Variants in KCNJ6 observed in about 807,000 individuals in gnomAD.
KCNJ6 encodes G protein-activated inward rectifier potassium channel 2.
A neutral mutation model predicts 34.2 loss-of-function variants in KCNJ6; 9 were observed. The observed-to-expected ratio is 0.26, with a 90% CI of 0.16 to 0.46. KCNJ6 has a LOEUF of 0.46. Ranked by LOEUF, KCNJ6 falls within the 20% of genes least tolerant of loss-of-function variation. The pLI is 1.00. For synonymous variants in KCNJ6, 196 were observed against 207.1 expected (o/e 0.95, Z 0.46); for missense variants, 236 against 531.3 (o/e 0.44, Z 5.46).
At position 37,714,801 on chromosome 21, in the gene KCNJ6, C is replaced by G; in HGVS notation, c.356G>C (p.Gly119Ala). 1 of 1,614,152 alleles carries G rather than the reference C, an allele frequency of 6.2e-7. No individual in the cohort carries two copies. Among genetic ancestry groups the G allele is most frequent in the Non-Finnish European group, 8.5e-7 (1 of 1,180,036 alleles). ...MIWWLIAYIR[G>A]DMDHIEDPSW... is the part of the protein sequence containing the mutation. Reference sequence around the variant, plus strand: ...GGGGTCCTCTATGTGGTCCATGTCTCCCCGTATGTATGCGATCAACCACCA... The same window carrying G: ...GGGGTCCTCTATGTGGTCCATGTCTGCCCGTATGTATGCGATCAACCACCA... Residue 119 changes from glycine (G) to alanine (A), a missense_variant, in exon 3 of 4, where the codon GGA (glycine) becomes GCA (alanine). Physicochemically the swap from Gly to Ala is moderately conservative, Grantham distance 60. Coordinates refer to ENST00000609713, the MANE Select transcript of KCNJ6 (RefSeq NM_002240.5). This position sits in a 1 kb window ranked among gnomAD's most constrained non-coding sequence, Gnocchi z 5.9.
intron 2 of KCNJ6, among the ~76,000 whole-genome samples, chr21:37,746,197 A>C (rs2054966934): frequency 6.6e-6 from 1 of 152,218 alleles, no homozygotes; most frequent in South Asian, 2.1e-4. Flanking sequence ...TTTATGGGGA[A>C]CATAACTCAG....
Position 37,611,040 on chromosome 21 carries a change from A to G in KCNJ6, c.*14119T>C, listed in dbSNP as rs1156961456. The G allele has an allele frequency of 6.6e-6, 1 of 152,168 alleles. No individual in the cohort carries two copies. Among genetic ancestry groups the G allele is most frequent in the Non-Finnish European group, 1.5e-5 (1 of 68,024 alleles). The allele number at this position is 152,168 out of a possible 1,614,324, so 9.4% of individuals were successfully genotyped here. A position where few individuals can be genotyped will look rare whatever the true frequency, so the allele number is the denominator to read the frequency against. ...TAGGAAATCAATAAAATAAATAGAA[A>G]CAAAGTTGATTCTTTGAAAAGATCA... is the stretch of plus-strand genomic sequence containing the variant. On this transcript the variant is annotated 3_prime_UTR_variant, in exon 4 of 4. Transcript: ENST00000609713.
intron 3 of KCNJ6, among the ~76,000 whole-genome samples, chr21:37,681,298 T>C (rs1454446322): frequency 6.6e-6 from 1 of 152,270 alleles, no homozygotes; most frequent in Non-Finnish European, 1.5e-5. Context: ...GCTGACAACT[T>C]GAAACTCTCA....
chr21:37,786,633 G>T (rs1300107002), intron 2 of KCNJ6, among the ~76,000 whole-genome samples: 1 of 152,162 alleles, frequency 6.6e-6, no homozygotes, highest in Non-Finnish European at 1.5e-5. Flanking sequence ...TCTCATCTCT[G>T]CCTGGCTAAG....
At chr21:37,737,945 G>A (rs771434812) in intron 2 of KCNJ6, among the ~76,000 whole-genome samples, 1 of 152,184 alleles carries the variant, frequency 6.6e-6, no homozygotes, top group Non-Finnish European at 1.5e-5. Flanking sequence ...TGAAAACTCT[G>A]GGCTTCTCCC....
chr21:37,889,421 C>T (rs4817902), intron 1 of KCNJ6, among the ~76,000 whole-genome samples: 13,391 of 143,906 alleles, frequency 0.093, 810 homozygotes, highest in East Asian at 0.33. Context: ...GAGGAGGTGA[C>T]GGCAGAAGAA....
chr21:37,661,919 C>T (rs977025615), intron 3 of KCNJ6, among the ~76,000 whole-genome samples: 3 of 150,672 alleles, frequency 2.0e-5, no homozygotes, highest in African/African-American at 4.8e-5. Context: ...TGAGCCACTG[C>T]GCCCAGCCTA....
chr21:37,638,734 A>G (rs561023846), intron 3 of KCNJ6, among the ~76,000 whole-genome samples: 2 of 152,320 alleles, frequency 1.3e-5, no homozygotes, highest in South Asian at 4.1e-4. Flanking sequence ...AATTGCTTGC[A>G]GACACCAGGC....
chr21:37,819,550 C>A (rs1353211093), intron 2 of KCNJ6, among the ~76,000 whole-genome samples: 1 of 152,140 alleles, frequency 6.6e-6, no homozygotes, highest in Non-Finnish European at 1.5e-5. Flanking sequence ...CAATGTACTA[C>A]ATGTCACTGC....
chr21:37,777,612 G>C (rs892238355), intron 2 of KCNJ6, among the ~76,000 whole-genome samples: 2 of 152,154 alleles, frequency 1.3e-5, no homozygotes, highest in Non-Finnish European at 2.9e-5. Context: ...ATTATGCTCA[G>C]TTGACTCAAG....
At chr21:37,718,064 C>A (rs2054803381) in intron 2 of KCNJ6, among the ~76,000 whole-genome samples, 1 of 152,210 alleles carries the variant, frequency 6.6e-6, no homozygotes, top group Admixed American at 6.5e-5. Context: ...CCTCCCAGGG[C>A]TGGACCACAT....
At chr21:37,705,094 G>C (rs2054712707) in intron 3 of KCNJ6, among the ~76,000 whole-genome samples, 3 of 152,220 alleles carry the variant, frequency 2.0e-5, no homozygotes, top group Admixed American at 2.0e-4. Context: ...AGTCAGGAAA[G>C]GGGAGCCCAG....
intron 1 of KCNJ6, among the ~76,000 whole-genome samples, chr21:37,859,814 T>A (rs1030703721): frequency 4.3e-4 from 66 of 152,148 alleles, no homozygotes; most frequent in African/African-American, 1.5e-3. Context: ...AGTTATAAAG[T>A]ACTGGGGCTT....
rs2054250474 is a variant in KCNJ6, at chr21:37,613,592, A to C, written c.*11567T>G. On this transcript the variant is annotated 3_prime_UTR_variant, in exon 4 of 4. Transcript: ENST00000609713. ...ATGGATGAGTGTTTGGTGCTAAAAA[A>C]GTGAGCTCTCAAGCCATAAAAAGAT... The C allele has an allele frequency of 2.0e-5, 3 of 152,236 alleles. No homozygotes were observed. Among genetic ancestry groups the C allele is most frequent in the Non-Finnish European group, 4.4e-5 (3 of 68,044 alleles). The allele number at this position is 152,236 out of a possible 1,614,324, so 9.4% of individuals were successfully genotyped here.
intron 2 of KCNJ6, among the ~76,000 whole-genome samples, chr21:37,749,662 G>GTC (rs2123482133): frequency 6.6e-6 from 1 of 152,318 alleles, no homozygotes. Flanking sequence ...TTAGCAAGGA[G>GTC]CTAGGAAAGT....
intron 1 of KCNJ6, among the ~76,000 whole-genome samples, chr21:37,862,217 T>C (rs979803843): frequency 3.9e-5 from 6 of 152,200 alleles, no homozygotes; most frequent in Admixed American, 6.5e-5. Context: ...TATACAACAG[T>C]TGAATCCCCC....
intron 2 of KCNJ6, 118 bp downstream of exon 2, chr21:37,840,540 G>A (rs1198274656): frequency 8.9e-6 from 6 of 673,656 alleles, no homozygotes; most frequent in African/African-American, 7.2e-5. Context: ...ACAGATCTCG[G>A]TCCCGTAAGA....
chr21:37,646,364 A>G lies in KCNJ6; in HGVS notation c.947-20880T>C, dbSNP rs2054404241. ...TGTCCTGTGAAATTCTAGTAATAAC[A>G]GGATTATCTCATCAATTTATATTCA... On this transcript the variant is annotated intron_variant, in intron 3 of 3. Coordinates refer to ENST00000609713, the MANE Select transcript of KCNJ6 (RefSeq NM_002240.5). Among the ~76,000 whole-genome samples, 4 of 152,240 alleles carry G rather than the reference A, an allele frequency of 2.6e-5. No homozygotes were observed. The South Asian group carries it at 8.3e-4, about 32-fold the overall frequency.
Position 37,714,293 on chromosome 21 carries a change from A to G in KCNJ6, c.864T>C (p.Pro288=), listed in dbSNP as rs759818356. The change falls in exon 3 of 4, where the codon CCT becomes CCC. Residue 288 remains proline (P), a synonymous_variant. Transcript: ENST00000609713. This position sits in a 1 kb window ranked among gnomAD's most constrained non-coding sequence, Gnocchi z 5.9. ...IISHEINQQS[P]FWEISKAQLP... Reference sequence around the variant, plus strand: ...GCTGGGCTTTGGAGATCTCCCAGAAAGGACTCTGTTGGTTAATTTCATGGC... The same window carrying G: ...GCTGGGCTTTGGAGATCTCCCAGAAGGGACTCTGTTGGTTAATTTCATGGC... 3 of 1,613,994 alleles carry G rather than the reference A, an allele frequency of 1.9e-6. No homozygotes were observed. Among genetic ancestry groups the G allele is most frequent in the African/African-American group, 2.7e-5 (2 of 74,898 alleles).
Sources: allele counts gnomAD v4.1 joint callset (sites outside exome capture counted in the v4.1 genomes callset), GRCh38; gene constraint gnomAD v4.1.1; non-coding constraint Gnocchi (gnomAD v3.1); transcripts MANE v1.5; gene names NCBI Gene and HGNC (gene_info 2026-07-23, HGNC 2026-07-21).